HMX1: variants seen among roughly 807,000 people sequenced by gnomAD.
HMX1 encodes the protein homeobox protein HMX1.
Under a neutral mutation model 8.9 loss-of-function variants are expected in HMX1, and 8 were observed. The ratio of observed to expected loss-of-function variants is 0.90; its 90% confidence interval spans 0.53 to 1.63. The LOEUF (loss-of-function observed/expected upper bound fraction) is 1.63, where lower values mean the gene tolerates loss of function less well. Ranked by LOEUF, HMX1 falls within the 40% of genes most tolerant of loss-of-function variation. The pLI, the probability that HMX1 is intolerant of heterozygous loss-of-function variation, is 0.00. For synonymous variants in HMX1, 311 were observed against 283.4 expected, an observed-to-expected ratio of 1.10 and a Z score of -0.98; for missense variants, 621 against 558.5, an observed-to-expected ratio of 1.11 and a Z score of -1.13.
downstream of HMX1, among the ~76,000 whole-genome samples, chr4:8,863,622 G>A (rs1459666506): frequency 6.7e-6 from 1 of 150,198 alleles, no homozygotes; most frequent in Non-Finnish European, 1.5e-5. Flanking sequence ...GCCAAGCTGG[G>A]TGGAGCGCGC....
At chr4:8,861,296 G>A (rs1205563519) in intron 1 of HMX1, among the ~76,000 whole-genome samples, 2 of 152,156 alleles carry the variant, frequency 1.3e-5, no homozygotes, top group African/African-American at 4.8e-5. Flanking sequence ...GCCCGACCGG[G>A]CGACGCGGGG....
intron 1 of HMX1, among the ~76,000 whole-genome samples, chr4:8,855,666 A>G (rs994192858): frequency 6.6e-6 from 1 of 152,090 alleles, no homozygotes; most frequent in Admixed American, 6.5e-5. Flanking sequence ...TGTGGCCAGG[A>G]CCCTTGGAGA....
At chr4:8,862,793 G>A (rs1380202749), downstream of HMX1, among the ~76,000 whole-genome samples, 1 of 152,170 alleles carries the variant, frequency 6.6e-6, no homozygotes, top group Admixed American at 6.5e-5. Context: ...CCAGAACGTG[G>A]CGAGGGCCGT....
At chr4:8,846,191 G>A in exon 2 of HMX1, 2 of 1,372,572 alleles carry the variant, frequency 1.5e-6, no homozygotes, top group Non-Finnish European at 2.0e-6. Context: ...TGTTGTGGCT[G>A]CACCATCCAG....
At chr4:8,857,514 G>A (rs1721647853) in intron 1 of HMX1, among the ~76,000 whole-genome samples, 1 of 152,224 alleles carries the variant, frequency 6.6e-6, no homozygotes, top group Admixed American at 6.5e-5. Flanking sequence ...GCGGGTTCCG[G>A]CCCAGCTTCT....
At chr4:8,857,850 C>T (rs953978575) in intron 1 of HMX1, among the ~76,000 whole-genome samples, 4 of 152,142 alleles carry the variant, frequency 2.6e-5, no homozygotes. Context: ...GTGCGCTCCT[C>T]CAGGGTCATC....
intron 1 of HMX1, among the ~76,000 whole-genome samples, chr4:8,851,406 G>A (rs900714290): frequency 2.0e-5 from 3 of 152,210 alleles, no homozygotes; most frequent in Non-Finnish European, 4.4e-5. Context: ...CATGGCTCCC[G>A]CGGGTGTACA....
intron 1 of HMX1, among the ~76,000 whole-genome samples, chr4:8,857,256 A>C (rs1721636545): frequency 6.6e-6 from 1 of 152,122 alleles, no homozygotes; most frequent in Non-Finnish European, 1.5e-5. Flanking sequence ...CGCCGTCCCC[A>C]CTTCCTCCCC....
intron 1 of HMX1, among the ~76,000 whole-genome samples, chr4:8,861,524 G>C (rs537660495): frequency 6.6e-6 from 1 of 152,220 alleles, no homozygotes; most frequent in Non-Finnish European, 1.5e-5. Context: ...GCGCGCGCGG[G>C]ATCCTCGTGC....
At chr4:8,852,277 G>A (rs1299160509) in intron 1 of HMX1, among the ~76,000 whole-genome samples, 1 of 152,264 alleles carries the variant, frequency 6.6e-6, no homozygotes, top group East Asian at 1.9e-4. Context: ...GCTGCAGGGA[G>A]GTGTCGAACC....
rs876657398 is a variant in HMX1, at chr4:8,868,090, T to G, written c.650A>C (p.Gln217Pro). 6.6e-7 allele frequency: 1 copy of G among 1,520,810 alleles called. No individual in the cohort carries two copies. Among genetic ancestry groups the G allele is most frequent in the South Asian group, 1.2e-5 (1 of 81,194 alleles). 94.2% of individuals were successfully genotyped at this position (1,520,810 alleles called of 1,614,324 possible). A position where few individuals can be genotyped will look rare whatever the true frequency, so the allele number is the denominator to read the frequency against. The stretch of plus-strand genomic sequence containing the variant: ...CTTCAGGTCGAAGGTGGATTCCAGC[T>G]GGAAGACCTGGCTGCGGGAGAAGAC... ...RTVFSRSQVF[Q>P]LESTFDLKRY... Residue 217 changes from glutamine to proline, a missense_variant, in exon 2 of 2, where the codon CAG becomes CCG. Transcript: ENST00000400677. The surrounding 1 kb of genome is among the most constrained non-coding windows in gnomAD (Gnocchi z 4.6).
In HMX1 at chr4:8,849,205, C is replaced by T. The variant is rs181504699; in HGVS notation, c.395-2881G>A. Among the ~76,000 whole-genome samples the T allele has an allele frequency of 6.2e-4, 94 of 152,160 alleles. 2 individuals carry two copies. In the East Asian group the frequency reaches 0.017, roughly 28 times the overall value. On this transcript the variant is annotated intron_variant, in intron 1 of 1. Transcript: ENST00000506970. This position sits in a 1 kb window ranked among gnomAD's most constrained non-coding sequence, Gnocchi z 6.6. ...CAGCTGTCATGAGCTGAACTGTGTCCTCCCAAATGTGTATGGGGAGGTCCT... is the reference window on the plus strand; with the variant it reads ...CAGCTGTCATGAGCTGAACTGTGTCTTCCCAAATGTGTATGGGGAGGTCCT...
chr4:8,859,121 TAG>T (rs1721710612), intron 1 of HMX1: 1 of 152,274 alleles, frequency 6.6e-6, no homozygotes, highest in Non-Finnish European at 1.5e-5. Flanking sequence ...ACAGGTGAGA[TAG>T]AGTTGGCCAA....
intron 1 of HMX1, among the ~76,000 whole-genome samples, chr4:8,861,177 C>A (rs577179806): frequency 6.6e-5 from 10 of 152,150 alleles, no homozygotes; most frequent in African/African-American, 1.9e-4. Flanking sequence ...GCGCCGCTGC[C>A]CTCCTCTACC....
chr4:8,858,058 G>C (rs956543072), intron 1 of HMX1, among the ~76,000 whole-genome samples: 1 of 152,104 alleles, frequency 6.6e-6, no homozygotes. Context: ...CTGTAAGACG[G>C]GGATCAATGC....
At chr4:8,865,234 T>C (rs10046921), downstream of HMX1, among the ~76,000 whole-genome samples, 10,073 of 152,302 alleles carry the variant, frequency 0.066, 1,104 homozygotes, top group African/African-American at 0.22. Flanking sequence ...ACCTTGGGAC[T>C]GCACCCACAT....
chr4:8,859,537 G>A (rs1286224351), intron 1 of HMX1, among the ~76,000 whole-genome samples: 2 of 152,146 alleles, frequency 1.3e-5, no homozygotes, highest in Non-Finnish European at 2.9e-5. Context: ...CTGGAAGAGG[G>A]AGAGGAGGAT....
At chr4:8,854,904 C>T (rs1242785871) in intron 1 of HMX1, among the ~76,000 whole-genome samples, 1 of 152,224 alleles carries the variant, frequency 6.6e-6, no homozygotes, top group Non-Finnish European at 1.5e-5. Flanking sequence ...AATACAGAAG[C>T]GTGCAAAACA....
At position 8,871,633 on chromosome 4, in the gene HMX1, G is replaced by C. The variant is rs1216841900; in HGVS notation, c.-19C>G. 2.4e-6 allele frequency: 3 copies of C among 1,238,000 alleles called. No homozygotes were observed. The highest frequency in any genetic ancestry group is 1.0e-6 in the Non-Finnish European group (1 of 991,902). 76.7% of individuals were successfully genotyped at this position (1,238,000 alleles called of 1,614,324 possible). ...CAGGCATCGCGGCCGCGGGCTTCTC[G>C]GGCTCGGCCGGGCTCCTCGGTCCCC... On this transcript the variant is annotated 5_prime_UTR_variant, in exon 1 of 2. Coordinates refer to ENST00000400677, the MANE Select transcript of HMX1 (RefSeq NM_018942.3). The surrounding 1 kb of genome is among the most constrained non-coding windows in gnomAD (Gnocchi z 4.8).
Sources: gnomAD v4.1 joint callset for allele counts (sites outside exome capture counted in the v4.1 genomes callset) on GRCh38, gnomAD v4.1.1 for gene constraint, Gnocchi (gnomAD v3.1) non-coding constraint, MANE v1.5 for transcripts, NCBI Gene and HGNC (gene_info 2026-07-23, HGNC 2026-07-21) for gene names.